Variants in PROX1 observed in about 807,000 individuals in gnomAD.
PROX1 encodes prospero homeobox 1, also known as prospero homeobox protein 1.
Under a neutral mutation model 58.8 loss-of-function variants are expected in PROX1, and 7 were observed. The observed-to-expected ratio is 0.12, with a 90% CI of 0.07 to 0.22. The LOEUF (loss-of-function observed/expected upper bound fraction) is 0.22, where lower values mean the gene tolerates loss of function less well. Ranked by LOEUF, PROX1 falls within the 10% of genes least tolerant of loss-of-function variation. The pLI, the probability that PROX1 is intolerant of heterozygous loss-of-function variation, is 1.00. For synonymous variants in PROX1, 350 were observed against 358.3 expected (o/e 0.98, Z 0.26); for missense variants, 675 against 927.8 (o/e 0.73, Z 3.54).
intron 4 of PROX1, among the ~76,000 whole-genome samples, chr1:214,014,770 CT>C (rs1664036153): frequency 6.6e-6 from 1 of 152,196 alleles, no homozygotes; most frequent in African/African-American, 2.4e-5. Context: ...TTTATTCCTT[CT>C]TTCTCTCCTC....
At position 213,997,981 on chromosome 1, in the gene PROX1, C is replaced by T; in HGVS notation, c.1446C>T (p.His482=). The T allele has an allele frequency of 1.2e-6, 2 of 1,613,724 alleles. No homozygotes were observed. Among genetic ancestry groups the T allele is most frequent in the Middle Eastern group, 1.7e-4 (1 of 6,060 alleles). Residue 482 remains histidine, a synonymous_variant, in exon 2 of 5, where the codon CAC becomes CAT. Coordinates refer to ENST00000366958, the MANE Select transcript of PROX1 (RefSeq NM_001270616.2). The surrounding 1 kb of genome is among the most constrained non-coding windows in gnomAD (Gnocchi z 7.1). ...TTGFTTSTFR[H]PFPLPLMAYP... is the part of the protein sequence containing the mutation. The stretch of plus-strand genomic sequence containing the variant: ...GCTTCACCACGTCCACCTTCCGCCA[C>T]CCCTTCCCCCTTCCCTTGATGGCCT...
intron 4 of PROX1, among the ~76,000 whole-genome samples, chr1:214,019,898 C>A (rs1484767467): frequency 6.6e-6 from 1 of 152,156 alleles, no homozygotes; most frequent in Non-Finnish European, 1.5e-5. Context: ...CTTCCTGGTT[C>A]TTCCCCATTT....
At chr1:214,011,386 C>A in intron 3 of PROX1, 135 bp from the exon 4 acceptor site, 1 of 726,580 alleles carries the variant, frequency 1.4e-6, no homozygotes, top group Non-Finnish European at 2.2e-6. Flanking sequence ...TCTCTTGCCA[C>A]CATTTTGGTG....
chr1:214,007,288 T>C (rs1169709187), intron 3 of PROX1, among the ~76,000 whole-genome samples: 2 of 152,190 alleles, frequency 1.3e-5, no homozygotes, highest in Non-Finnish European at 1.5e-5. Context: ...ATTCTATCCA[T>C]ACCTTACCCA....
chr1:213,997,723 T>C lies in PROX1; in HGVS notation c.1188T>C (p.Asn396=), dbSNP rs774435413. ...LQIPQARFAV[N]GENHNFHTAN... is the part of the protein sequence containing the mutation. ...TCCCCCAGGCCAGATTTGCAGTCAA[T>C]GGGGAAAACCACAATTTCCACACCG... is the stretch of plus-strand genomic sequence containing the variant. Residue 396 remains asparagine, a synonymous_variant, in exon 2 of 5, where the codon AAT becomes AAC. Coordinates refer to ENST00000366958, the MANE Select transcript of PROX1 (RefSeq NM_001270616.2). This position sits in a 1 kb window ranked among gnomAD's most constrained non-coding sequence, Gnocchi z 7.1. 17 of 1,614,012 alleles carry C rather than the reference T, an allele frequency of 1.1e-5. No individual in the cohort carries two copies. Among genetic ancestry groups the C allele is most frequent in the Non-Finnish European group, 1.3e-5 (15 of 1,180,002 alleles).
chr1:214,028,160 T>G (rs1448167131), intron 4 of PROX1, among the ~76,000 whole-genome samples: 3 of 152,106 alleles, frequency 2.0e-5, no homozygotes, highest in African/African-American at 7.2e-5. Context: ...AGAACCTTCC[T>G]CTGCCTCATT....
intron 1 of PROX1, among the ~76,000 whole-genome samples, chr1:213,994,795 AT>A (rs1663191982): frequency 6.5e-5 from 6 of 91,674 alleles, no homozygotes; most frequent in African/African-American, 2.5e-4. Context: ...ATATATATAT[AT>A]ATATATAAAG....
chr1:214,000,470 G>T (rs892066984), intron 2 of PROX1, among the ~76,000 whole-genome samples: 1 of 152,074 alleles, frequency 6.6e-6, no homozygotes, highest in Non-Finnish European at 1.5e-5. Context: ...ACTTTCTGTC[G>T]AGCGGTGATT....
intron 3 of PROX1, among the ~76,000 whole-genome samples, chr1:214,008,612 A>G (rs1156941114): frequency 2.6e-5 from 4 of 152,178 alleles, no homozygotes; most frequent in African/African-American, 9.6e-5. Context: ...TTAGGAATGG[A>G]CACAGTGCTT....
intron 3 of PROX1, among the ~76,000 whole-genome samples, chr1:214,007,497 T>A (rs1208949624): frequency 6.6e-6 from 1 of 152,252 alleles, no homozygotes; most frequent in African/African-American, 2.4e-5. Context: ...AATGAATTTG[T>A]ATTTCTTGAG....
intron 4 of PROX1, among the ~76,000 whole-genome samples, chr1:214,018,833 C>T (rs1233109616): frequency 6.6e-6 from 1 of 152,068 alleles, no homozygotes; most frequent in Non-Finnish European, 1.5e-5. Context: ...CACAACAGAC[C>T]TTTTGGTATT....
Position 213,997,767 on chromosome 1 carries a change from G to A in PROX1, c.1232G>A (p.Cys411Tyr). 1.2e-6 allele frequency: 2 copies of A among 1,614,224 alleles called. No homozygotes were observed. Among genetic ancestry groups the A allele is most frequent in the South Asian group, 2.2e-5 (2 of 91,084 alleles). Reference sequence around the variant, plus strand: ...CACACCGCCAACCAGCGCCTGCAGTGCTTTGGCGACGTCATCATTCCGAAC... The same window carrying A: ...CACACCGCCAACCAGCGCCTGCAGTACTTTGGCGACGTCATCATTCCGAAC... ...NFHTANQRLQ[C>Y]FGDVIIPNPL... Residue 411 changes from cysteine to tyrosine, a missense_variant, in exon 2 of 5, where the codon TGC (cysteine) becomes TAC (tyrosine). By Grantham distance (194) the Cys-to-Tyr change is radical (BLOSUM62 -2). This residue lies in a region of PROX1 where 403 missense variants were observed against 477.4 expected (regional missense o/e 0.84). Transcript: ENST00000366958. The surrounding 1 kb of genome is among the most constrained non-coding windows in gnomAD (Gnocchi z 7.1).
intron 4 of PROX1, among the ~76,000 whole-genome samples, chr1:214,032,970 T>A (rs1421812772): frequency 6.6e-6 from 1 of 152,030 alleles, no homozygotes; most frequent in East Asian, 1.9e-4. Flanking sequence ...CCCAAAGAAG[T>A]TGCCTTGTTC....
In PROX1 at chr1:214,040,195, T is replaced by C. The variant is rs1230056657; in HGVS notation, c.*4361T>C. On this transcript the variant is annotated 3_prime_UTR_variant, in exon 5 of 5. Transcript: ENST00000366958. Reference sequence around the variant, plus strand: ...TTGTTTTCTGTAGATCTGTTGGTTGTAAACCATCTATAAAACTAAAGCTAA... The same window carrying C: ...TTGTTTTCTGTAGATCTGTTGGTTGCAAACCATCTATAAAACTAAAGCTAA... 2.0e-5 allele frequency: 3 copies of C among 152,186 alleles called. No homozygotes were observed. The highest frequency in any genetic ancestry group is 4.4e-5 in the Non-Finnish European group (3 of 68,030). 9.4% of individuals were successfully genotyped at this position (152,186 alleles called of 1,614,324 possible). A position where few individuals can be genotyped will look rare whatever the true frequency, so the allele number is the denominator to read the frequency against.
chr1:214,013,866 C>T (rs1021079735), intron 4 of PROX1, among the ~76,000 whole-genome samples: 1 of 152,084 alleles, frequency 6.6e-6, no homozygotes, highest in African/African-American at 2.4e-5. Flanking sequence ...CATGTGACTT[C>T]GGACAGTTAT....
In PROX1 at chr1:213,997,486, G is replaced by A; in HGVS notation, c.951G>A (p.Glu317=). Residue 317 remains glutamate (E), a synonymous_variant, in exon 2 of 5, where the codon GAG becomes GAA. Coordinates refer to ENST00000366958, the MANE Select transcript of PROX1 (RefSeq NM_001270616.2). The surrounding 1 kb of genome is among the most constrained non-coding windows in gnomAD (Gnocchi z 7.1). Reference sequence around the variant, plus strand: ...ACCGAGCTCGAGCCCTGATCAGAGAGCAGGAAATGGCTGAAAACAAGCCGA... The same window carrying A: ...ACCGAGCTCGAGCCCTGATCAGAGAACAGGAAATGGCTGAAAACAAGCCGA... ...FIDRARALIR[E]QEMAENKPKR... 6.2e-7 allele frequency: 1 copy of A among 1,614,124 alleles called. No homozygotes were observed. The highest frequency in any genetic ancestry group is 8.5e-7 in the Non-Finnish European group (1 of 1,180,020).
At chr1:214,004,817 TG>T (rs1161145647) in intron 2 of PROX1, among the ~76,000 whole-genome samples, 1 of 152,178 alleles carries the variant, frequency 6.6e-6, no homozygotes, top group Non-Finnish European at 1.5e-5. Context: ...ACAAGAGTTG[TG>T]TAGTACATGT....
At chr1:213,999,231 A>G (rs1663402541) in intron 2 of PROX1, among the ~76,000 whole-genome samples, 1 of 151,890 alleles carries the variant, frequency 6.6e-6, no homozygotes, top group Admixed American at 6.6e-5. Context: ...CTCTCTGTAT[A>G]TCGGTTCTTT....
upstream of PROX1, chr1:213,986,059 AC>A (rs1294443200): frequency 6.6e-6 from 1 of 152,056 alleles, no homozygotes; most frequent in African/African-American, 2.4e-5. Context: ...CGCTCAATAC[AC>A]CCGCTTACCT....
Sources: allele counts gnomAD v4.1 joint callset (sites outside exome capture counted in the v4.1 genomes callset), GRCh38; gene constraint gnomAD v4.1.1; regional missense constraint gnomAD v4.1.1; non-coding constraint Gnocchi (gnomAD v3.1); transcripts MANE v1.5; gene names NCBI Gene and HGNC (gene_info 2026-07-23, HGNC 2026-07-21).